VCAN: variants seen among roughly 807,000 people sequenced by gnomAD.
The protein encoded by VCAN is versican.
In VCAN, 44 loss-of-function variants were observed where a neutral mutation model predicts 245.5. That is an observed-to-expected ratio of 0.18 (90% CI 0.14 to 0.23). VCAN has a LOEUF of 0.23. Among genes scored for constraint, VCAN ranks in the 10% least tolerant of loss-of-function variants. The pLI is 1.00. For synonymous variants in VCAN, 1,413 were observed against 1,437.0 expected (o/e 0.98, Z 0.38); for missense variants, 3,793 against 4,057.9 (o/e 0.93, Z 1.77).
chr5:83,503,147 G>A (rs997979084), intron 5 of VCAN, among the ~76,000 whole-genome samples: 6 of 151,992 alleles, frequency 3.9e-5, no homozygotes, highest in African/African-American at 1.2e-4. Context: ...GTGATTCAGT[G>A]GATAATAAGC....
chr5:83,556,912 A>G (rs1228151788), intron 12 of VCAN, among the ~76,000 whole-genome samples: 1 of 152,144 alleles, frequency 6.6e-6, no homozygotes, highest in Non-Finnish European at 1.5e-5. Context: ...CATGGAATAC[A>G]TTGGGTTTTA....
At position 83,519,386 on chromosome 5, in the gene VCAN, A is replaced by G. The variant is rs1745981745; in HGVS notation, c.1080A>G (p.Ala360=). The G allele has an allele frequency of 6.2e-7, 1 of 1,614,086 alleles. No homozygotes were observed. Residue 360 remains alanine, a synonymous_variant, in exon 7 of 15, where the codon GCA becomes GCG. Transcript: ENST00000265077. ...CAACCATCGATTTGAGTATCCTCGC[A>G]GAAACTGCATCACCCAGTTTATCCA... The part of the protein sequence containing the change: ...EATTIDLSIL[A]ETASPSLSKE...
rs1746842091 is a variant in VCAN at position 83,538,914 on chromosome 5, C to A, written c.5911C>A (p.Pro1971Thr). The A allele has an allele frequency of 6.2e-7, 1 of 1,613,852 alleles. No individual in the cohort carries two copies. The highest frequency in any genetic ancestry group is 8.5e-7 in the Non-Finnish European group (1 of 1,179,954). The change falls in exon 8 of 15, where the codon CCA becomes ACA. Residue 1971 changes from proline to threonine, a missense_variant. This residue lies in a region of VCAN where 3,182 missense variants were observed against 3,250.3 expected (regional missense o/e 0.98). Coordinates refer to ENST00000265077, the MANE Select transcript of VCAN (RefSeq NM_004385.5). ...AGCATTTAGGGACACCCAGACTTCA[C>A]CATCTACAGTACCTACTTCAGTTCA... is the stretch of plus-strand genomic sequence containing the variant. The part of the protein sequence containing the change: ...DAAFRDTQTS[P>T]STVPTSVHIS...
At chr5:83,483,737 CA>C (rs1744695593) in intron 2 of VCAN, 149 bp downstream of exon 2, 1 of 745,960 alleles carries the variant, frequency 1.3e-6, no homozygotes, top group Non-Finnish European at 2.3e-6. Context: ...ATTATTGGAC[CA>C]AAAACATTAG....
chr5:83,569,447 A>G (rs1194730419), intron 12 of VCAN, among the ~76,000 whole-genome samples: 2 of 152,230 alleles, frequency 1.3e-5, no homozygotes, highest in Non-Finnish European at 2.9e-5. Context: ...TGTGCCAAAC[A>G]TAGTTTCTGG....
chr5:83,499,802 C>T (rs1488963095), intron 5 of VCAN, among the ~76,000 whole-genome samples: 1 of 152,038 alleles, frequency 6.6e-6, no homozygotes, highest in East Asian at 1.9e-4. Flanking sequence ...TGTCAGAGTC[C>T]AGGATGGCTT....
intron 13 of VCAN, among the ~76,000 whole-genome samples, chr5:83,574,081 G>C (rs765768401): frequency 7.2e-5 from 11 of 152,298 alleles, no homozygotes; most frequent in African/African-American, 2.2e-4. Flanking sequence ...AGGCTAGTGA[G>C]CCTGGAGTTC....
chr5:83,510,213 C>A (rs1189577895), intron 5 of VCAN, among the ~76,000 whole-genome samples: 3 of 152,148 alleles, frequency 2.0e-5, no homozygotes, highest in Non-Finnish European at 2.9e-5. Flanking sequence ...TTCTCTCTCC[C>A]TTCTTCAAAT....
Position 83,520,965 on chromosome 5 carries a change from A to G in VCAN, c.2659A>G (p.Thr887Ala). 1 of 1,614,132 alleles carries G rather than the reference A, an allele frequency of 6.2e-7. No homozygotes were observed. The highest frequency in any genetic ancestry group is 2.2e-5 in the East Asian group (1 of 44,880). ...ATTCACAATTAGATTTCAGCCAACTACATCAACTGGTATTGCAGAAAAGTC... is the reference window on the plus strand; with the variant it reads ...ATTCACAATTAGATTTCAGCCAACTGCATCAACTGGTATTGCAGAAAAGTC... Reference protein sequence around the residue: ...GKFTIRFQPTTSTGIAEKSTL... With the variant: ...GKFTIRFQPTASTGIAEKSTL... The change falls in exon 7 of 15, where the codon ACA becomes GCA. Residue 887 changes from threonine (T) to alanine (A), a missense_variant. Thr to Ala is a moderately conservative substitution (Grantham distance 58, BLOSUM62 0). Transcript: ENST00000265077.
chr5:83,481,034 G>A (rs896487587), intron 1 of VCAN, among the ~76,000 whole-genome samples: 4 of 152,056 alleles, frequency 2.6e-5, no homozygotes, highest in Admixed American at 2.6e-4. Flanking sequence ...GGTTTAGAGA[G>A]ATATAGTATT....
rs1299674114 is a variant in VCAN at position 83,542,061 on chromosome 5, A to G, written c.9058A>G (p.Arg3020Gly). 6.2e-7 allele frequency: 1 copy of G among 1,612,932 alleles called. No individual in the cohort carries two copies. The highest frequency in any genetic ancestry group is 2.2e-5 in the East Asian group (1 of 44,852). Residue 3020 changes from arginine to glycine, a missense_variant, in exon 8 of 15, where the codon AGA becomes GGA. By Grantham distance (125) the Arg-to-Gly change is moderately radical. Coordinates refer to ENST00000265077, the MANE Select transcript of VCAN (RefSeq NM_004385.5). ...INPETQAALIRGQDSTIAASE... is the reference protein window; with the variant it reads ...INPETQAALIGGQDSTIAASE... ...CCCTGAAACTCAAGCAGCTTTAATC[A>G]GAGGGCAGGATTCCACGATAGCAGC... is the stretch of plus-strand genomic sequence containing the variant.
At chr5:83,482,438 A>G (rs868195) in intron 1 of VCAN, among the ~76,000 whole-genome samples, 110,358 of 152,104 alleles carry the variant, frequency 0.73, 40,088 homozygotes, top group Middle Eastern at 0.81. Flanking sequence ...TAGGATATCA[A>G]GATCATCCCT....
intron 8 of VCAN, among the ~76,000 whole-genome samples, chr5:83,544,345 G>A (rs1248118750): frequency 6.6e-6 from 1 of 152,186 alleles, no homozygotes; most frequent in African/African-American, 2.4e-5. Flanking sequence ...ATGGGAATGT[G>A]TACCTATCCA....
Position 83,522,255 on chromosome 5 carries a change from A to G in VCAN, c.3949A>G (p.Lys1317Glu). Residue 1317 changes from lysine to glutamate, a missense_variant, in exon 7 of 15, where the codon AAA becomes GAA. Coordinates refer to ENST00000265077, the MANE Select transcript of VCAN (RefSeq NM_004385.5). ...LSTPQPPAST[K>E]FHPDINVYII... is the part of the protein sequence containing the mutation. ...TACGCCACAGCCCCCAGCAAGCACA[A>G]AATTTCACCCTGACATTAATGTTTA... 1.2e-6 allele frequency: 2 copies of G among 1,600,044 alleles called. No homozygotes were observed. Among genetic ancestry groups the G allele is most frequent in the Non-Finnish European group, 1.7e-6 (2 of 1,179,802 alleles).
chr5:83,567,296 G>A (rs557428660), intron 12 of VCAN, among the ~76,000 whole-genome samples: 47 of 151,768 alleles, frequency 3.1e-4, no homozygotes, highest in Admixed American at 1.8e-3. Context: ...AACTATTTGC[G>A]TTTTTGTTTG....
chr5:83,536,973 T>C (rs1341492840), intron 7 of VCAN, 34 bp from the exon 8 acceptor site: 1 of 1,537,534 alleles, frequency 6.5e-7, no homozygotes, highest in Non-Finnish European at 8.7e-7. Flanking sequence ...CCAAATTTTC[T>C]ATTTAAGTAT....
rs1481141672 is a variant in VCAN, at chr5:83,546,582, C to T, written c.9379+932C>T. On this transcript the variant is annotated intron_variant, in intron 9 of 14. Transcript: ENST00000265077. ...ACCAGCCTGGGCAACATGGCAGAAC[C>T]TCACCTCTGCAAAAAAAAAAAAAAA... is the stretch of plus-strand genomic sequence containing the variant. Among the ~76,000 whole-genome samples, 8 of 135,934 alleles carry T rather than the reference C, an allele frequency of 5.9e-5. No homozygotes were observed. In the East Asian group the frequency reaches 1.7e-3, roughly 28 times the overall value. The allele number at this position is 135,934 out of a possible 152,430, so 89.2% of individuals were successfully genotyped here. A position where few individuals can be genotyped will look rare whatever the true frequency, so the allele number is the denominator to read the frequency against.
At chr5:83,574,668 C>T (rs960233130) in intron 13 of VCAN, among the ~76,000 whole-genome samples, 9 of 152,040 alleles carry the variant, frequency 5.9e-5, no homozygotes, top group African/African-American at 1.9e-4. Flanking sequence ...TAATTGTCAC[C>T]GGTTTTTGCC....
In VCAN at chr5:83,471,908, C is replaced by G; in HGVS notation, c.-122C>G. The G allele has an allele frequency of 2.5e-6, 1 of 393,940 alleles. No individual in the cohort carries two copies. The highest frequency in any genetic ancestry group is 3.6e-5 in the East Asian group (1 of 27,850). The allele number at this position is 393,940 out of a possible 1,614,324, so 24.4% of individuals were successfully genotyped here. A position where few individuals can be genotyped will look rare whatever the true frequency, so the allele number is the denominator to read the frequency against. On this transcript the variant is annotated 5_prime_UTR_variant, in exon 1 of 15. Transcript: ENST00000265077. Reference sequence around the variant, plus strand: ...TCTTCCAGCACCGTCCCGCACCCTCCGCATCCTTCCCCGGGCCACCACGCT... The same window carrying G: ...TCTTCCAGCACCGTCCCGCACCCTCGGCATCCTTCCCCGGGCCACCACGCT...
Sources: allele counts gnomAD v4.1 joint callset (sites outside exome capture counted in the v4.1 genomes callset), GRCh38; gene constraint gnomAD v4.1.1; regional missense constraint gnomAD v4.1.1; transcripts MANE v1.5; gene names NCBI Gene and HGNC (gene_info 2026-07-23, HGNC 2026-07-21).